CSMD2: variants seen among roughly 807,000 people sequenced by gnomAD.
The protein encoded by CSMD2 is CUB and Sushi multiple domains 2, also known as CUB and sushi domain-containing protein 2.
A neutral mutation model predicts 398.5 loss-of-function variants in CSMD2; 130 were observed. The ratio of observed to expected loss-of-function variants is 0.33; its 90% confidence interval spans 0.28 to 0.38. The LOEUF (loss-of-function observed/expected upper bound fraction) is 0.38, where lower values mean the gene tolerates loss of function less well. CSMD2 is among the 10% of genes least tolerant of loss of function. The pLI, the probability that CSMD2 is intolerant of heterozygous loss-of-function variation, is 1.00. For synonymous variants in CSMD2, 1,828 were observed against 1,908.5 expected, an observed-to-expected ratio of 0.96 and a Z score of 1.10; for missense variants, 3,829 against 4,764.9, an observed-to-expected ratio of 0.80 and a Z score of 5.78.
intron 1 of CSMD2, among the ~76,000 whole-genome samples, chr1:34,091,862 T>G (rs1658603195): frequency 1.3e-5 from 2 of 152,154 alleles, no homozygotes; most frequent in Non-Finnish European, 2.9e-5. Flanking sequence ...CACCATCACC[T>G]CTGGGATTTC....
chr1:33,591,096 C>T (rs1454587977), intron 44 of CSMD2, among the ~76,000 whole-genome samples: 1 of 135,294 alleles, frequency 7.4e-6, no homozygotes. Flanking sequence ...TCAAGTGATT[C>T]TCCTGCCTCA....
chr1:33,937,278 C>A (rs1644509900), intron 3 of CSMD2, among the ~76,000 whole-genome samples: 1 of 152,174 alleles, frequency 6.6e-6, no homozygotes, highest in African/African-American at 2.4e-5. Context: ...GAACCAAACC[C>A]AGCTGGGGGA....
At chr1:33,742,255 G>A (rs1647093051) in intron 14 of CSMD2, among the ~76,000 whole-genome samples, 1 of 152,206 alleles carries the variant, frequency 6.6e-6, no homozygotes, top group Non-Finnish European at 1.5e-5. Context: ...GACCCAAATG[G>A]CCCACCAGGT....
chr1:33,826,745 C>G (rs540825567), intron 6 of CSMD2, among the ~76,000 whole-genome samples: 1 of 152,222 alleles, frequency 6.6e-6, no homozygotes. Flanking sequence ...CGCCTTTGGT[C>G]TGACCACCCC....
At chr1:34,097,480 A>G (rs1421789154) in intron 1 of CSMD2, among the ~76,000 whole-genome samples, 37 of 126,474 alleles carry the variant, frequency 2.9e-4, no homozygotes, top group African/African-American at 8.3e-4. Context: ...CAGGCAACCT[A>G]CAAAATGGGA....
At chr1:33,641,796 G>A (rs571116044) in intron 29 of CSMD2, among the ~76,000 whole-genome samples, 177 of 152,306 alleles carry the variant, frequency 1.2e-3, no homozygotes, top group African/African-American at 4.1e-3. Flanking sequence ...TAGTTGTCAC[G>A]AGGATGTGAA....
At chr1:33,574,635 TG>T (rs953747601) in intron 49 of CSMD2, among the ~76,000 whole-genome samples, 3 of 152,110 alleles carry the variant, frequency 2.0e-5, no homozygotes, top group Non-Finnish European at 4.4e-5. Flanking sequence ...GGCATCAGGC[TG>T]GGGCTCCATT....
intron 1 of CSMD2, among the ~76,000 whole-genome samples, chr1:34,123,799 T>A (rs1408640602): frequency 6.6e-6 from 1 of 151,620 alleles, no homozygotes; most frequent in Non-Finnish European, 1.5e-5. Context: ...GGTGGCTGTG[T>A]GAGAGCAGGA....
chr1:34,094,438 G>T (rs1196843767), intron 1 of CSMD2, among the ~76,000 whole-genome samples: 1 of 151,874 alleles, frequency 6.6e-6, no homozygotes, highest in Non-Finnish European at 1.5e-5. Flanking sequence ...TGGACTAAAT[G>T]CTCCAATTAA....
intron 1 of CSMD2, among the ~76,000 whole-genome samples, chr1:34,129,071 C>T (rs973320198): frequency 1.3e-5 from 2 of 151,398 alleles, no homozygotes; most frequent in African/African-American, 2.4e-5. Context: ...CTCTTTAGTA[C>T]GTGGCTGCAT....
rs72892861 is a variant in CSMD2, at chr1:33,704,378, C to A, written c.3577-3705G>T. Among the ~76,000 whole-genome samples the A allele has an allele frequency of 7.3e-3, 1,116 of 152,152 alleles. 10 individuals carry two copies. Among genetic ancestry groups the A allele is most frequent in the African/African-American group, 0.026 (1,069 of 41,496 alleles). The stretch of plus-strand genomic sequence containing the variant: ...CTGCGTTCTATTGGTGATAGTAGAA[C>A]TATTGATCTTGTTCTTGACTTTACT... On this transcript the variant is annotated intron_variant, in intron 22 of 70. Transcript: ENST00000373381.
chr1:33,725,092 C>T (rs927927685), intron 17 of CSMD2, among the ~76,000 whole-genome samples: 6 of 152,170 alleles, frequency 3.9e-5, no homozygotes, highest in African/African-American at 1.2e-4. Context: ...CCCAGCGTGG[C>T]GGCACCCAAT....
intron 5 of CSMD2, among the ~76,000 whole-genome samples, chr1:33,859,960 TA>T (rs1392478818): frequency 6.6e-6 from 1 of 152,172 alleles, no homozygotes; most frequent in Non-Finnish European, 1.5e-5. Flanking sequence ...GATTTTTCTT[TA>T]AAAAAATGTT....
At chr1:33,667,427 G>A (rs1446244288) in intron 25 of CSMD2, among the ~76,000 whole-genome samples, 1 of 152,224 alleles carries the variant, frequency 6.6e-6, no homozygotes, top group African/African-American at 2.4e-5. Flanking sequence ...CTGAGGCTCT[G>A]AGAGGGTAGG....
chr1:33,591,853 A>T (rs1473794), intron 44 of CSMD2: 1 of 153,644 alleles, frequency 6.5e-6, no homozygotes. Context: ...TACATGAATG[A>T]TTTGTAATGA....
chr1:33,957,213 G>A (rs1330143949), intron 3 of CSMD2, among the ~76,000 whole-genome samples: 3 of 151,872 alleles, frequency 2.0e-5, no homozygotes, highest in East Asian at 1.9e-4. Flanking sequence ...TAGAAGGTAC[G>A]CTCCATGCAA....
intron 5 of CSMD2, among the ~76,000 whole-genome samples, chr1:33,911,666 TAG>T (rs1643449879): frequency 6.6e-6 from 1 of 152,198 alleles, no homozygotes; most frequent in Non-Finnish European, 1.5e-5. Context: ...TTGCTGGACC[TAG>T]AGAGTAGGTT....
chr1:33,537,924 C>T lies in CSMD2; in HGVS notation c.9632-315G>A, dbSNP rs1002558451. Among the ~76,000 whole-genome samples, 1 of 152,248 alleles carries T rather than the reference C, an allele frequency of 6.6e-6. No individual in the cohort carries two copies. The highest frequency in any genetic ancestry group is 1.9e-4 in the East Asian group (1 of 5,200). ...AAAACTTTTTTTCCATTTTCACGCACATTCTTTTCCAATCTTTGTTCAGTT... is the reference window on the plus strand; with the variant it reads ...AAAACTTTTTTTCCATTTTCACGCATATTCTTTTCCAATCTTTGTTCAGTT... On this transcript the variant is annotated intron_variant, in intron 60 of 70. Coordinates refer to ENST00000373381, the MANE Select transcript of CSMD2 (RefSeq NM_001281956.2). The surrounding 1 kb of genome is among the most constrained non-coding windows in gnomAD (Gnocchi z 4.6).
intron 3 of CSMD2, among the ~76,000 whole-genome samples, chr1:33,986,005 T>C (rs941444013): frequency 1.3e-5 from 2 of 152,122 alleles, no homozygotes; most frequent in Non-Finnish European, 2.9e-5. Context: ...AGATGCTCCA[T>C]TAATAAGTCT....
Sources: gnomAD v4.1 joint callset for allele counts (sites outside exome capture counted in the v4.1 genomes callset) on GRCh38, gnomAD v4.1.1 for gene constraint, Gnocchi (gnomAD v3.1) non-coding constraint, MANE v1.5 for transcripts, NCBI Gene and HGNC (gene_info 2026-07-23, HGNC 2026-07-21) for gene names.